The following BLZF1 variants were observed in gnomAD, a reference collection of about 807,000 sequenced individuals.
BLZF1 encodes the protein basic leucine zipper nuclear factor 1.
Under a neutral mutation model 43.8 loss-of-function variants are expected in BLZF1, and 39 were observed. That is an observed-to-expected ratio of 0.89 (90% CI 0.69 to 1.16). The LOEUF (loss-of-function observed/expected upper bound fraction) is 1.16, where lower values mean the gene tolerates loss of function less well. Ranked by LOEUF, BLZF1 falls within the 50% of genes most tolerant of loss-of-function variation. The pLI is 0.00. For synonymous variants in BLZF1, 136 were observed against 159.4 expected, an observed-to-expected ratio of 0.85 and a Z score of 1.11; for missense variants, 449 against 469.8, an observed-to-expected ratio of 0.96 and a Z score of 0.41.
At chr1:169,393,433 A>C (rs1337714822) in intron 7 of BLZF1, among the ~76,000 whole-genome samples, 1 of 150,540 alleles carries the variant, frequency 6.6e-6, no homozygotes, top group Non-Finnish European at 1.5e-5. Context: ...ACTAAAAATA[A>C]AAAAAAATTA....
chr1:169,369,646 G>A (rs1654039423), intron 2 of BLZF1, 96 bp downstream of exon 2: 1 of 845,148 alleles, frequency 1.2e-6, no homozygotes, highest in East Asian at 2.7e-5. Flanking sequence ...GGACCCCCTT[G>A]GGAATCATTT....
At chr1:169,394,918 C>A in intron 7 of BLZF1, 1 of 851,382 alleles carries the variant, frequency 1.2e-6, no homozygotes, top group Non-Finnish European at 1.7e-6. Flanking sequence ...ATTAAAAAAA[C>A]AAATTCACTG....
chr1:169,389,114 T>G (rs1228275170), downstream of BLZF1, among the ~76,000 whole-genome samples: 2 of 138,876 alleles, frequency 1.4e-5, no homozygotes, highest in Non-Finnish European at 3.1e-5. Flanking sequence ...GGAGCGAAAC[T>G]CTGTCTCAAA....
intron 2 of BLZF1, among the ~76,000 whole-genome samples, chr1:169,372,471 A>G (rs562547606): frequency 1.3e-5 from 2 of 152,290 alleles, no homozygotes; most frequent in South Asian, 4.1e-4. Flanking sequence ...GACAAGGACC[A>G]TTTTATTAGT....
At chr1:169,374,555 T>G (rs1457423121) in intron 2 of BLZF1, among the ~76,000 whole-genome samples, 2 of 152,174 alleles carry the variant, frequency 1.3e-5, no homozygotes, top group African/African-American at 2.4e-5. Flanking sequence ...GTAAAATGTT[T>G]TGTAAAATAG....
intron 6 of BLZF1, among the ~76,000 whole-genome samples, chr1:169,386,126 A>C (rs991314024): frequency 1.3e-5 from 2 of 152,186 alleles, no homozygotes; most frequent in African/African-American, 4.8e-5. Context: ...AAGGAGACAG[A>C]TTAGGAAAAA....
chr1:169,392,343 A>G (rs1219820355), downstream of BLZF1, among the ~76,000 whole-genome samples: 1 of 152,226 alleles, frequency 6.6e-6, no homozygotes, highest in East Asian at 1.9e-4. Context: ...AAAACTTACT[A>G]TAAAACTACA....
At chr1:169,375,321 TAC>T (rs996783066) in intron 2 of BLZF1, among the ~76,000 whole-genome samples, 5 of 142,714 alleles carry the variant, frequency 3.5e-5, no homozygotes, top group African/African-American at 5.2e-5. Context: ...GAGATTACAT[TAC>T]ACACACACAT....
At chr1:169,390,691 A>G (rs1427902475), downstream of BLZF1, among the ~76,000 whole-genome samples, 3 of 152,206 alleles carry the variant, frequency 2.0e-5, no homozygotes, top group East Asian at 5.8e-4. Flanking sequence ...TTTACAGTGC[A>G]CTTAAAAAAA....
chr1:169,395,464 T>C (rs2102030488), intron 7 of BLZF1, among the ~76,000 whole-genome samples: 1 of 152,330 alleles, frequency 6.6e-6, no homozygotes, highest in African/African-American at 2.4e-5. Context: ...GGTTTTTTAA[T>C]AATAAACACT....
Position 169,387,259 on chromosome 1 carries a change from T to TA in BLZF1, c.*78dup. Reference sequence around the variant, plus strand: ...ATTATTATTTGGGAGCTGGGGTTCTTACAATGCTAGAAATAATATCACTTC... The same window carrying TA: ...ATTATTATTTGGGAGCTGGGGTTCTTAACAATGCTAGAAATAATATCACTTC... On this transcript the variant is annotated 3_prime_UTR_variant, in exon 7 of 7. Coordinates refer to ENST00000367808, the MANE Select transcript of BLZF1 (RefSeq NM_001320973.2). 1.5e-6 allele frequency: 2 copies of TA among 1,330,000 alleles called. No homozygotes were observed. Among genetic ancestry groups the TA allele is most frequent in the African/African-American group, 1.5e-5 (1 of 67,056 alleles). The allele number at this position is 1,330,000 out of a possible 1,614,324, so 82.4% of individuals were successfully genotyped here.
At chr1:169,393,296 G>A (rs912066057), downstream of BLZF1, among the ~76,000 whole-genome samples, 17 of 151,834 alleles carry the variant, frequency 1.1e-4, no homozygotes, top group Non-Finnish European at 2.9e-5. Context: ...AAGTAAAAAC[G>A]AATCAAACTG....
Position 169,376,793 on chromosome 1 carries a change from C to G in BLZF1, c.282C>G (p.Asn94Lys), listed in dbSNP as rs755821213. Residue 94 changes from asparagine to lysine, a missense_variant, in exon 3 of 7, where the codon AAC (asparagine) becomes AAG (lysine). Transcript: ENST00000367808. ...PKAAITHDIP[N>K]KNTKVKSLGH... ...CTGCTATAACTCATGATATCCCCAA[C>G]AAAAATACAAAGGTTAAGTCTCTGG... 6.2e-7 allele frequency: 1 copy of G among 1,613,298 alleles called. No homozygotes were observed. Among genetic ancestry groups the G allele is most frequent in the Non-Finnish European group, 8.5e-7 (1 of 1,179,568 alleles).
Position 169,378,560 on chromosome 1 carries a change from C to G in BLZF1, c.668+31C>G, listed in dbSNP as rs753777576. 7 of 1,599,520 alleles carry G rather than the reference C, an allele frequency of 4.4e-6. No homozygotes were observed. In the South Asian group the frequency reaches 7.8e-5, roughly 18 times the overall value. The stretch of plus-strand genomic sequence containing the variant: ...TTCTACAGCAAATAGTATTTCACTT[C>G]CTAGTTTTTGCTCCATCAGGTTTTT... On this transcript the variant is annotated intron_variant, in intron 4 of 6. Transcript: ENST00000367808.
At chr1:169,369,627 A>G in intron 2 of BLZF1, 77 bp downstream of exon 2, 1 of 1,085,188 alleles carries the variant, frequency 9.2e-7, no homozygotes, top group South Asian at 1.4e-5. Context: ...CCAGATAACT[A>G]GATCTCATGG....
chr1:169,371,151 G>T (rs1482239364), intron 2 of BLZF1, among the ~76,000 whole-genome samples: 1 of 152,158 alleles, frequency 6.6e-6, no homozygotes, highest in Non-Finnish European at 1.5e-5. Context: ...CATTTCATAA[G>T]TCACCAGAAG....
At position 169,387,074 on chromosome 1, in the gene BLZF1, C is replaced by A. The variant is rs1311326462; in HGVS notation, c.1095C>A (p.Thr365=). ...DNPFFESSPT[T]LLATKKNIGR... ...CATTTTTTGAGTCTTCACCAACCAC[C>A]TTACTTGCTACAAAGAAAAATATTG... The change falls in exon 7 of 7, where the codon ACC becomes ACA. Residue 365 remains threonine, a synonymous_variant. Coordinates refer to ENST00000367808, the MANE Select transcript of BLZF1 (RefSeq NM_001320973.2). 1 of 1,613,418 alleles carries A rather than the reference C, an allele frequency of 6.2e-7. No individual in the cohort carries two copies. Among genetic ancestry groups the A allele is most frequent in the Non-Finnish European group, 8.5e-7 (1 of 1,179,694 alleles).
At chr1:169,388,967 C>A (rs1654750575), downstream of BLZF1, among the ~76,000 whole-genome samples, 2 of 151,844 alleles carry the variant, frequency 1.3e-5, no homozygotes, top group Admixed American at 1.3e-4. Flanking sequence ...ACTAAAAATA[C>A]AAAAAATTAG....
downstream of BLZF1, among the ~76,000 whole-genome samples, chr1:169,388,694 T>G (rs916678524): frequency 2.6e-5 from 4 of 152,012 alleles, no homozygotes; most frequent in South Asian, 4.1e-4. Context: ...CAATAAAAAT[T>G]AGCAAAGGGG....
Sources: gnomAD v4.1 joint callset for allele counts (sites outside exome capture counted in the v4.1 genomes callset) on GRCh38, gnomAD v4.1.1 for gene constraint, MANE v1.5 for transcripts, NCBI Gene and HGNC (gene_info 2026-07-23, HGNC 2026-07-21) for gene names.